PI4KA: variants seen among roughly 807,000 people sequenced by gnomAD.
PI4KA encodes the protein phosphatidylinositol 4-kinase alpha.
In PI4KA, 122 loss-of-function variants were observed where a neutral mutation model predicts 271.4. The observed-to-expected ratio is 0.45, with a 90% CI of 0.39 to 0.52. PI4KA has a LOEUF of 0.52. Among genes scored for constraint, PI4KA ranks in the 20% least tolerant of loss-of-function variants. PI4KA has a pLI of 0.00. For missense variants in PI4KA, 1,969 were observed against 2,769.1 expected (o/e 0.71, Z 6.48); for synonymous variants, 1,041 against 1,078.8 (o/e 0.96, Z 0.69).
chr22:20,761,380 C>T lies in PI4KA; in HGVS notation c.2715G>A (p.Leu905=). The T allele has an allele frequency of 1.2e-6, 2 of 1,607,652 alleles. No individual in the cohort carries two copies. The highest frequency in any genetic ancestry group is 1.7e-6 in the Non-Finnish European group (2 of 1,174,138). ...SVYRLEYMRV[L]RSTDPDRFQV... ...GGAAGCGATCAGGATCTGTTGAACG[C>T]AGTACCCTAAGAAGAAAACAGCTTT... The change falls in exon 23 of 55, where the codon CTG becomes CTA. Residue 905 remains leucine (L), a synonymous_variant. Transcript: ENST00000255882.
At chr22:20,779,529 G>T (rs139053306) in intron 19 of PI4KA, 9 of 1,613,866 alleles carry the variant, frequency 5.6e-6, no homozygotes, top group South Asian at 3.3e-5. Flanking sequence ...GATTCCAGAG[G>T]GGGAGGAGGA....
intron 2 of PI4KA, among the ~76,000 whole-genome samples, chr22:20,836,094 C>A (rs1176932016): frequency 6.6e-6 from 1 of 150,634 alleles, no homozygotes; most frequent in Non-Finnish European, 1.5e-5. Context: ...CAAAAAACAA[C>A]AAAAAAACAT....
rs753580148 is a variant in PI4KA at position 20,834,567 on chromosome 22, C to G, written c.362G>C (p.Gly121Ala). 2 of 1,586,104 alleles carry G rather than the reference C, an allele frequency of 1.3e-6. No individual in the cohort carries two copies. Among genetic ancestry groups the G allele is most frequent in the Non-Finnish European group, 1.7e-6 (2 of 1,154,568 alleles). ...AAAACATTATATACAATTACCTCTG[C>G]CTTTCCGAGCTGTGCTTTCTTCTAC... is the stretch of plus-strand genomic sequence containing the variant. Reference protein sequence around the residue: ...YWVEESTARKGRGALPVAESF... With the variant: ...YWVEESTARKARGALPVAESF... Residue 121 changes from glycine to alanine, a missense_variant, in exon 3 of 55, where the codon GGC (glycine) becomes GCC (alanine). This residue lies in a region of PI4KA where 540 missense variants were observed against 555.5 expected (regional missense o/e 0.97). Transcript: ENST00000255882.
intron 1 of PI4KA, among the ~76,000 whole-genome samples, chr22:20,848,012 T>C (rs1041543751): frequency 6.6e-6 from 1 of 151,830 alleles, no homozygotes; most frequent in Admixed American, 6.6e-5. Context: ...CCAGGGTGGG[T>C]GGATCACCTG....
chr22:20,751,808 T>C, intron 25 of PI4KA, 53 bp from the exon 26 acceptor site: 1 of 1,517,236 alleles, frequency 6.6e-7, no homozygotes, highest in South Asian at 1.1e-5. Flanking sequence ...AAGGAAGGTC[T>C]GCTTCTAGGA....
At chr22:20,743,890 T>C (rs1465326118) in intron 30 of PI4KA, among the ~76,000 whole-genome samples, 2 of 151,836 alleles carry the variant, frequency 1.3e-5, no homozygotes, top group Non-Finnish European at 2.9e-5. Flanking sequence ...CCGTCTCCAC[T>C]AAAAATACAA....
chr22:20,731,924 G>A (rs1438671322), intron 36 of PI4KA, among the ~76,000 whole-genome samples: 4 of 130,790 alleles, frequency 3.1e-5, no homozygotes, highest in Non-Finnish European at 4.9e-5. Flanking sequence ...GTGAGACTCC[G>A]TCTCAAAAAA....
At chr22:20,784,054 C>T in intron 19 of PI4KA, 1 of 1,614,140 alleles carries the variant, frequency 6.2e-7, no homozygotes, top group Non-Finnish European at 8.5e-7. Context: ...TTAAGGTTTC[C>T]ATGATGCAGA....
chr22:20,769,949 G>A (rs1416128730), intron 19 of PI4KA, among the ~76,000 whole-genome samples: 2 of 152,200 alleles, frequency 1.3e-5, no homozygotes, highest in Admixed American at 6.5e-5. Context: ...GCAGAAGTGA[G>A]TGATGTCTTT....
intron 19 of PI4KA, among the ~76,000 whole-genome samples, chr22:20,790,376 G>A (rs1000913485): frequency 2.0e-5 from 3 of 151,974 alleles, no homozygotes; most frequent in Admixed American, 6.6e-5. Context: ...AATAAAATAA[G>A]TAGGCCAGGA....
At chr22:20,829,209 G>C (rs1923837090) in intron 3 of PI4KA, among the ~76,000 whole-genome samples, 1 of 152,042 alleles carries the variant, frequency 6.6e-6, no homozygotes, top group Non-Finnish European at 1.5e-5. Flanking sequence ...TTAATTTTTT[G>C]TAATAGTTTC....
At position 20,771,882 on chromosome 22, in the gene PI4KA, G is replaced by A. The variant is rs375701489; in HGVS notation, c.2329-6189C>T. On this transcript the variant is annotated intron_variant, in intron 19 of 54. Transcript: ENST00000255882. Reference sequence around the variant, plus strand: ...CAGGTGTGAGCCACCACACCTGGCCGGTACTGGCTTTAAAAATAACAAAAG... The same window carrying A: ...CAGGTGTGAGCCACCACACCTGGCCAGTACTGGCTTTAAAAATAACAAAAG... Among the ~76,000 whole-genome samples, 19 of 151,946 alleles carry A rather than the reference G, an allele frequency of 1.3e-4. No individual in the cohort carries two copies. In the South Asian group the frequency reaches 2.9e-3, roughly 23 times the overall value.
chr22:20,753,940 C>T (rs200329992), intron 23 of PI4KA, among the ~76,000 whole-genome samples: 1 of 152,228 alleles, frequency 6.6e-6, no homozygotes. Context: ...CCCGCCTCGG[C>T]CTCCCAAAGT....
intron 50 of PI4KA, chr22:20,712,196 T>G (rs1453119063): frequency 5.4e-6 from 1 of 185,772 alleles, no homozygotes; most frequent in Non-Finnish European, 1.0e-5. Context: ...TAGCTGGGAC[T>G]GCAGGCGCGT....
chr22:20,800,864 ACT>A (rs1935269302), intron 14 of PI4KA, among the ~76,000 whole-genome samples: 1 of 136,800 alleles, frequency 7.3e-6, no homozygotes, highest in Non-Finnish European at 1.6e-5. Context: ...ACAAAGCAAG[ACT>A]CTGTCTCAAA....
chr22:20,857,549 G>A (rs529599009), intron 1 of PI4KA, among the ~76,000 whole-genome samples: 2 of 152,324 alleles, frequency 1.3e-5, no homozygotes, highest in Admixed American at 1.3e-4. Context: ...AAAAAGTTGA[G>A]TGGGAAAATA....
chr22:20,765,483 A>G (rs1932438729), intron 20 of PI4KA, 102 bp downstream of exon 20: 1 of 815,662 alleles, frequency 1.2e-6, no homozygotes, highest in African/African-American at 1.7e-5. Context: ...CTGCATGTGG[A>G]CTCATTTAAA....
chr22:20,852,830 TA>T, intron 1 of PI4KA, among the ~76,000 whole-genome samples: 1 of 152,246 alleles, frequency 6.6e-6, no homozygotes, highest in East Asian at 1.9e-4. Flanking sequence ...CCCACTACCC[TA>T]AGCACCAAGC....
intron 1 of PI4KA, among the ~76,000 whole-genome samples, chr22:20,846,948 C>G (rs1168225521): frequency 6.6e-6 from 1 of 150,938 alleles, no homozygotes; most frequent in African/African-American, 2.4e-5. Context: ...GAGTTCGAGA[C>G]CAGCCTGACC....
Sources: gnomAD v4.1 joint callset for allele counts (sites outside exome capture counted in the v4.1 genomes callset) on GRCh38, gnomAD v4.1.1 for gene constraint, gnomAD v4.1.1 regional missense constraint, MANE v1.5 for transcripts, NCBI Gene and HGNC (gene_info 2026-07-23, HGNC 2026-07-21) for gene names.